ADAMTS6: variants seen among roughly 807,000 people sequenced by gnomAD.
ADAMTS6 encodes A disintegrin and metalloproteinase with thrombospondin motifs 6.
ADAMTS6 carries 23 observed loss-of-function variants against 144.3 expected under a neutral mutation model. That is an observed-to-expected ratio of 0.16 (90% CI 0.11 to 0.23). The LOEUF is 0.23. Ranked by LOEUF, ADAMTS6 falls within the 10% of genes least tolerant of loss-of-function variation. The probability of loss-of-function intolerance (pLI) is 1.00; values close to 1 mark genes in which losing one functional copy is unlikely to be tolerated. For missense variants in ADAMTS6, 999 were observed against 1,379.6 expected (o/e 0.72, Z 4.37); for synonymous variants, 444 against 457.5 (o/e 0.97, Z 0.38).
chr5:65,154,145 T>A (rs542937552), intron 24 of ADAMTS6, among the ~76,000 whole-genome samples: 28 of 152,150 alleles, frequency 1.8e-4, no homozygotes, highest in African/African-American at 6.5e-4. Context: ...GAGGCGGAGG[T>A]TGCAGTGAGC....
At chr5:65,454,415 CAA>C (rs1759024100) in intron 4 of ADAMTS6, among the ~76,000 whole-genome samples, 1 of 152,126 alleles carries the variant, frequency 6.6e-6, no homozygotes, top group South Asian at 2.1e-4. Flanking sequence ...TGAAGAGAAG[CAA>C]AGACATAAAC....
intron 9 of ADAMTS6, among the ~76,000 whole-genome samples, chr5:65,321,960 C>T (rs1745658040): frequency 6.6e-6 from 1 of 151,980 alleles, no homozygotes; most frequent in East Asian, 1.9e-4. Context: ...AGGTGATTCA[C>T]CCGCCTCAGC....
At chr5:65,332,033 A>G (rs966677261) in intron 8 of ADAMTS6, among the ~76,000 whole-genome samples, 2 of 151,870 alleles carry the variant, frequency 1.3e-5, no homozygotes, top group African/African-American at 4.8e-5. Context: ...AGAAAAATAA[A>G]ATGAGAAGTA....
intron 3 of ADAMTS6, among the ~76,000 whole-genome samples, chr5:65,468,201 A>G (rs1446643033): frequency 6.6e-6 from 1 of 152,208 alleles, no homozygotes; most frequent in Admixed American, 6.5e-5. Flanking sequence ...ACTATGGGTG[A>G]GGAGATACGA....
chr5:65,284,110 A>G (rs1763188191), intron 11 of ADAMTS6, among the ~76,000 whole-genome samples: 1 of 152,140 alleles, frequency 6.6e-6, no homozygotes, highest in African/African-American at 2.4e-5. Context: ...AATTATATGA[A>G]AGAATGATTC....
chr5:65,310,097 A>C (rs1170641087), intron 9 of ADAMTS6, among the ~76,000 whole-genome samples: 1 of 151,678 alleles, frequency 6.6e-6, no homozygotes, highest in African/African-American at 2.4e-5. Flanking sequence ...GTCTTTTAAA[A>C]GTGTGTGGCA....
intron 7 of ADAMTS6, among the ~76,000 whole-genome samples, chr5:65,362,131 G>A (rs1438978359): frequency 6.6e-6 from 1 of 152,082 alleles, no homozygotes; most frequent in Admixed American, 6.5e-5. Flanking sequence ...TTTTTGAAAG[G>A]GCTTATCTCT....
intron 7 of ADAMTS6, among the ~76,000 whole-genome samples, chr5:65,418,596 T>C (rs568038876): frequency 6.6e-6 from 1 of 152,192 alleles, no homozygotes; most frequent in East Asian, 1.9e-4. Flanking sequence ...GTACAATAAA[T>C]AATTTAATAA....
At chr5:65,468,734 T>C (rs1291106951) in intron 3 of ADAMTS6, among the ~76,000 whole-genome samples, 1 of 152,200 alleles carries the variant, frequency 6.6e-6, no homozygotes. Flanking sequence ...TGTCATCTCC[T>C]TCATTGTAGA....
At chr5:65,391,635 T>C (rs764695286) in intron 7 of ADAMTS6, among the ~76,000 whole-genome samples, 6 of 152,202 alleles carry the variant, frequency 3.9e-5, no homozygotes, top group Non-Finnish European at 8.8e-5. Flanking sequence ...TCTCTTCTAG[T>C]ACAGGACCCA....
rs1249283280 is a variant in ADAMTS6 at position 65,425,767 on chromosome 5, C to CT, written c.1073+25707dup. Among the ~76,000 whole-genome samples the CT allele has an allele frequency of 6.6e-3, 948 of 143,940 alleles. 8 individuals are homozygous for CT. The highest frequency in any genetic ancestry group is 0.014 in the African/African-American group (565 of 39,704). The allele number at this position is 143,940 out of a possible 152,430, so 94.4% of individuals were successfully genotyped here. The stretch of plus-strand genomic sequence containing the variant: ...TGCATGACTTCAAGTAGTGCTGCTT[C>CT]TTTTTTTTTTTTTTGAGACGGAGTC... On this transcript the variant is annotated intron_variant, in intron 7 of 24. Transcript: ENST00000381055.
At chr5:65,395,519 AGAG>A (rs1753265850) in intron 7 of ADAMTS6, among the ~76,000 whole-genome samples, 2 of 152,326 alleles carry the variant, frequency 1.3e-5, no homozygotes, top group South Asian at 2.1e-4. Context: ...CTTGTCAGAC[AGAG>A]GAGGTTTCTT....
intron 7 of ADAMTS6, among the ~76,000 whole-genome samples, chr5:65,421,388 T>C (rs1231769913): frequency 2.6e-5 from 4 of 152,202 alleles, no homozygotes; most frequent in African/African-American, 4.8e-5. Flanking sequence ...AGGCTAAAGA[T>C]AGGACCCCAA....
intron 7 of ADAMTS6, among the ~76,000 whole-genome samples, chr5:65,336,629 T>G (rs541955877): frequency 2.3e-4 from 35 of 152,218 alleles, no homozygotes; most frequent in African/African-American, 7.9e-4. Context: ...GAGGGCACTC[T>G]TCATGCAAAG....
chr5:65,298,202 CTTGTA>C (rs1743028007), intron 10 of ADAMTS6, among the ~76,000 whole-genome samples: 1 of 151,998 alleles, frequency 6.6e-6, no homozygotes, highest in African/African-American at 2.4e-5. Flanking sequence ...ACAACTGGTC[CTTGTA>C]TTTAGTATAC....
At chr5:65,338,914 A>C (rs756795312) in intron 7 of ADAMTS6, among the ~76,000 whole-genome samples, 4 of 152,142 alleles carry the variant, frequency 2.6e-5, no homozygotes, top group Non-Finnish European at 5.9e-5. Flanking sequence ...CAGGCCTGAG[A>C]AATAGCCCTG....
In ADAMTS6 at chr5:65,479,040, T is replaced by C. The variant is rs2150295540; in HGVS notation, c.-280+2303A>G. ...GAGTAGCCAAGGTAATAATTTCCTCTTGTGAACTATTATTATGAAGCTAAA... is the reference window on the plus strand; with the variant it reads ...GAGTAGCCAAGGTAATAATTTCCTCCTGTGAACTATTATTATGAAGCTAAA... On this transcript the variant is annotated intron_variant, in intron 1 of 24. Coordinates refer to ENST00000381055, the MANE Select transcript of ADAMTS6 (RefSeq NM_197941.4). Among the ~76,000 whole-genome samples, 3 of 152,326 alleles carry C rather than the reference T, an allele frequency of 2.0e-5. No homozygotes were observed. In the Middle Eastern group the frequency reaches 0.01, roughly 518 times the overall value.
intron 7 of ADAMTS6, among the ~76,000 whole-genome samples, chr5:65,448,182 T>C (rs1447177415): frequency 2.0e-5 from 3 of 151,820 alleles, no homozygotes; most frequent in African/African-American, 7.2e-5. Context: ...TTCAATATTA[T>C]TGATATCAGA....
chr5:65,308,138 G>C (rs79949599), intron 9 of ADAMTS6, among the ~76,000 whole-genome samples: 2,542 of 152,222 alleles, frequency 0.017, 30 homozygotes, highest in Middle Eastern at 0.048. Flanking sequence ...TATACAGCAG[G>C]GGGTACTGGG....
Sources: allele counts gnomAD v4.1 joint callset (sites outside exome capture counted in the v4.1 genomes callset), GRCh38; gene constraint gnomAD v4.1.1; transcripts MANE v1.5; gene names NCBI Gene and HGNC (gene_info 2026-07-23, HGNC 2026-07-21).